The following SGCD variants were observed in gnomAD, a reference collection of about 807,000 sequenced individuals.
SGCD encodes the protein sarcoglycan delta.
A neutral mutation model predicts 36.6 loss-of-function variants in SGCD; 18 were observed. The observed-to-expected ratio is 0.49, with a 90% CI of 0.34 to 0.73. The LOEUF is 0.73. SGCD is among the 30% of genes least tolerant of loss of function. The pLI is 0.01. For synonymous variants in SGCD, 133 were observed against 130.6 expected (o/e 1.02, Z -0.12); for missense variants, 387 against 346.7 (o/e 1.12, Z -0.92).
chr5:156,289,098 AT>A (rs1412768122), intron 3 of SGCD, among the ~76,000 whole-genome samples: 1 of 152,050 alleles, frequency 6.6e-6, no homozygotes, highest in Non-Finnish European at 1.5e-5. Flanking sequence ...GATTAGTCCT[AT>A]AAAGTTCTCT....
chr5:155,984,656 G>C (rs900507766), intron 1 of SGCD, among the ~76,000 whole-genome samples: 1 of 152,112 alleles, frequency 6.6e-6, no homozygotes, highest in Admixed American at 6.5e-5. Flanking sequence ...TTTGCTTTAA[G>C]GTCTTTGCTG....
At chr5:156,488,815 T>C (rs10866739) in intron 3 of SGCD, among the ~76,000 whole-genome samples, 1 of 151,998 alleles carries the variant, frequency 6.6e-6, no homozygotes, top group African/African-American at 2.4e-5. Flanking sequence ...AAGAGGGGAA[T>C]AATGGAACAA....
At chr5:155,833,347 A>G in the SGCD span, among the ~76,000 whole-genome samples, 1 of 152,232 alleles carries the variant, frequency 6.6e-6, no homozygotes, top group East Asian at 1.9e-4. Context: ...TATAATGGAT[A>G]GGAAAATCTC....
intron 3 of SGCD, among the ~76,000 whole-genome samples, chr5:156,283,333 G>T (rs1246855931): frequency 6.6e-6 from 1 of 152,152 alleles, no homozygotes; most frequent in Admixed American, 6.5e-5. Context: ...GTTCTCTGGT[G>T]TAACTCCGTT....
chr5:156,103,575 G>T (rs1272805686), intron 1 of SGCD, among the ~76,000 whole-genome samples: 10 of 151,902 alleles, frequency 6.6e-5, no homozygotes, highest in Non-Finnish European at 1.5e-4. Context: ...CCAATAGACC[G>T]ATATCCCTTA....
intron 4 of SGCD, among the ~76,000 whole-genome samples, chr5:156,552,173 G>A (rs1758825934): frequency 6.6e-6 from 1 of 152,164 alleles, no homozygotes; most frequent in African/African-American, 2.4e-5. Flanking sequence ...CAGACACACA[G>A]CACATGTTTC....
intron 3 of SGCD, among the ~76,000 whole-genome samples, chr5:156,289,123 T>C (rs1766692586): frequency 6.6e-6 from 1 of 152,028 alleles, no homozygotes; most frequent in African/African-American, 2.4e-5. Context: ...AAAGAGGAGT[T>C]TGTGGTCATA....
the SGCD span, among the ~76,000 whole-genome samples, chr5:155,838,958 G>T: frequency 3.9e-5 from 6 of 152,110 alleles, no homozygotes; most frequent in Non-Finnish European, 8.8e-5. Context: ...GTAAATCACA[G>T]AGGCATCTGT....
At chr5:156,413,283 G>A (rs1195012011) in intron 3 of SGCD, among the ~76,000 whole-genome samples, 2 of 152,216 alleles carry the variant, frequency 1.3e-5, no homozygotes, top group Non-Finnish European at 2.9e-5. Context: ...CATCCTGGGA[G>A]GAGTGACACT....
At chr5:156,316,217 A>G (rs1767515238) in intron 3 of SGCD, among the ~76,000 whole-genome samples, 1 of 152,008 alleles carries the variant, frequency 6.6e-6, no homozygotes, top group Non-Finnish European at 1.5e-5. Flanking sequence ...ACAGTTCCCT[A>G]GCATCAAAAA....
intron 1 of SGCD, among the ~76,000 whole-genome samples, chr5:156,059,911 A>G (rs182488514): frequency 1.4e-5 from 2 of 146,428 alleles, no homozygotes; most frequent in East Asian, 3.9e-4. Context: ...TTAGCTGCTA[A>G]TGGACCTCAG....
chr5:155,969,615 A>G (rs560010204), intron 1 of SGCD, among the ~76,000 whole-genome samples: 41 of 152,094 alleles, frequency 2.7e-4, no homozygotes, highest in Non-Finnish European at 5.0e-4. Flanking sequence ...AGAGCAGCCT[A>G]TGTCTGCGCC....
the SGCD span, among the ~76,000 whole-genome samples, chr5:155,852,033 G>A: frequency 1.3e-4 from 20 of 152,338 alleles, 1 homozygote; most frequent in Admixed American, 1.3e-4. Flanking sequence ...CATGATAGGA[G>A]CTCATAGGAT....
In SGCD at chr5:156,763,540, T is replaced by C. The variant is rs1328305005; in HGVS notation, c.*4150T>C. 1 of 152,250 alleles carries C rather than the reference T, an allele frequency of 6.6e-6. No individual in the cohort carries two copies. Among genetic ancestry groups the C allele is most frequent in the African/African-American group, 2.4e-5 (1 of 41,448 alleles). The allele number at this position is 152,250 out of a possible 1,614,324, so 9.4% of individuals were successfully genotyped here. ...TTGGCTTTATTTCTAAGAATCTGGGTCTTCATTCTCTGGTGTAGAAGGAAT... is the reference window on the plus strand; with the variant it reads ...TTGGCTTTATTTCTAAGAATCTGGGCCTTCATTCTCTGGTGTAGAAGGAAT... On this transcript the variant is annotated 3_prime_UTR_variant, in exon 9 of 9. Coordinates refer to ENST00000337851, the MANE Select transcript of SGCD (RefSeq NM_000337.6).
At chr5:155,736,683 A>G in the SGCD span, among the ~76,000 whole-genome samples, 1 of 152,106 alleles carries the variant, frequency 6.6e-6, no homozygotes, top group Non-Finnish European at 1.5e-5. Context: ...TGTCACTGCT[A>G]CCACCACCAC....
Position 156,497,646 on chromosome 5 carries a change from A to T in SGCD, c.193-10955A>T, listed in dbSNP as rs201915194. On this transcript the variant is annotated intron_variant, in intron 3 of 8. Coordinates refer to ENST00000337851, the MANE Select transcript of SGCD (RefSeq NM_000337.6). ...CTTTCTCTCTCTCTCTCTCTCTCTC[A>T]CACACACACACACACACAGAAAATG... Among the ~76,000 whole-genome samples the T allele has an allele frequency of 6.1e-3, 716 of 117,028 alleles. 4 individuals are homozygous for T. Among genetic ancestry groups the T allele is most frequent in the African/African-American group, 0.018 (627 of 34,884 alleles). The allele number at this position is 117,028 out of a possible 152,430, so 76.8% of individuals were successfully genotyped here.
At chr5:156,322,689 C>G (rs1422220081), upstream of SGCD, among the ~76,000 whole-genome samples, 1 of 152,036 alleles carries the variant, frequency 6.6e-6, no homozygotes, top group African/African-American at 2.4e-5. Flanking sequence ...TAATATCTGT[C>G]CAGAAGGTGA....
At chr5:155,807,288 C>A in the SGCD span, among the ~76,000 whole-genome samples, 134,142 of 152,286 alleles carry the variant, frequency 0.88, 59,158 homozygotes, top group East Asian at 0.99. Context: ...AATAGCACAC[C>A]ATAAATTGTG....
intron 3 of SGCD, among the ~76,000 whole-genome samples, chr5:156,506,911 T>G (rs1581093548): frequency 6.6e-6 from 1 of 152,126 alleles, no homozygotes; most frequent in Non-Finnish European, 1.5e-5. Context: ...GCTAGTAAAT[T>G]AAGAATAATA....
Sources: allele counts gnomAD v4.1 joint callset (sites outside exome capture counted in the v4.1 genomes callset), GRCh38; gene constraint gnomAD v4.1.1; transcripts MANE v1.5; gene names NCBI Gene and HGNC (gene_info 2026-07-23, HGNC 2026-07-21).